ACOT1: variants seen among roughly 807,000 people sequenced by gnomAD.
ACOT1 encodes the protein acyl-CoA thioesterase 1.
Under a neutral mutation model 15.7 loss-of-function variants are expected in ACOT1, and 8 were observed. The observed-to-expected ratio is 0.51, with a 90% CI of 0.30 to 0.92. The LOEUF is 0.92. ACOT1 is among the 40% of genes least tolerant of loss of function. ACOT1 has a pLI of 0.06. For synonymous variants in ACOT1, 67 were observed against 241.2 expected (o/e 0.28, Z 6.69); for missense variants, 151 against 539.4 (o/e 0.28, Z 7.13).
chr14:73,491,683 A>C, the ACOT1 span: 1 of 1,549,802 alleles, frequency 6.5e-7, no homozygotes, highest in Non-Finnish European at 8.7e-7. Flanking sequence ...ACCGGCGCCT[A>C]TGGGAGCGCG....
chr14:73,510,209 T>TA, the ACOT1 span, among the ~76,000 whole-genome samples: 3,033 of 152,054 alleles, frequency 0.02, 114 homozygotes, highest in African/African-American at 0.069. Flanking sequence ...TGCTTTATAA[T>TA]ATAGTGTTTT....
rs1296946736 is a variant in ACOT1, at chr14:73,539,764, A to G, written c.458-1729A>G. ...GCACGCGGTCCCTGTCCATCAGCAC[A>G]CGCGTGGGCTGTGCTCATCGCTGCC... On this transcript the variant is annotated intron_variant, in intron 1 of 2. Transcript: ENST00000311148. 2 of 117,504 alleles carry G rather than the reference A, an allele frequency of 1.7e-5. 1 individual carries two copies. The highest frequency in any genetic ancestry group is 5.6e-5 in the African/African-American group (2 of 36,018). 7.3% of individuals were successfully genotyped at this position (117,504 alleles called of 1,614,324 possible). A position where few individuals can be genotyped will look rare whatever the true frequency, so the allele number is the denominator to read the frequency against.
the ACOT1 span, chr14:73,522,750 C>A: frequency 6.2e-7 from 1 of 1,614,198 alleles, no homozygotes; most frequent in Non-Finnish European, 8.5e-7. Context: ...GTCTTCACAG[C>A]CAGGGAGGTG....
At chr14:73,520,780 G>T in the ACOT1 span, 1 of 1,400,580 alleles carries the variant, frequency 7.1e-7, no homozygotes, top group Non-Finnish European at 9.9e-7. Flanking sequence ...ACTGTTTCCA[G>T]CCCCCAGCAA....
chr14:73,535,469 C>CTTTT (rs869167008), upstream of ACOT1, among the ~76,000 whole-genome samples: 39 of 16,524 alleles, frequency 2.4e-3, 2 homozygotes, highest in Non-Finnish European at 8.3e-3. Flanking sequence ...TTTCTTCTTT[C>CTTTT]TTTTTTTTTT....
At chr14:73,525,813 C>CTTG in the ACOT1 span, among the ~76,000 whole-genome samples, 1 of 151,912 alleles carries the variant, frequency 6.6e-6, no homozygotes, top group South Asian at 2.1e-4. Flanking sequence ...ATTAGCTGGG[C>CTTG]GTGGTGGTGG....
At chr14:73,528,750 G>A in the ACOT1 span, among the ~76,000 whole-genome samples, 3 of 152,184 alleles carry the variant, frequency 2.0e-5, no homozygotes, top group African/African-American at 7.2e-5. Context: ...TAAAATATAT[G>A]TGTGAGGAAT....
the ACOT1 span, chr14:73,492,771 T>C: frequency 1.2e-6 from 2 of 1,613,984 alleles, no homozygotes; most frequent in East Asian, 4.5e-5. This position sits in a 1 kb window ranked among gnomAD's most constrained non-coding sequence, Gnocchi z 4.9. Flanking sequence ...CCCAAGTGCT[T>C]GGAAATATAC....
chr14:73,510,456 A>G, the ACOT1 span, among the ~76,000 whole-genome samples: 10 of 149,658 alleles, frequency 6.7e-5, no homozygotes, highest in African/African-American at 2.0e-4. Flanking sequence ...TTTTTTTGAG[A>G]TAGAGTTTTT....
At position 73,538,685 on chromosome 14, in the gene ACOT1, CA is replaced by C. The variant is rs1330063881; in HGVS notation, c.457+815del. Among the ~76,000 whole-genome samples the C allele has an allele frequency of 2.0e-5, 2 of 98,136 alleles. 1 individual carries two copies. Among genetic ancestry groups the C allele is most frequent in the Admixed American group, 2.3e-4 (2 of 8,778 alleles). 64.4% of individuals were successfully genotyped at this position (98,136 alleles called of 152,430 possible). The stretch of plus-strand genomic sequence containing the variant: ...AATATTAAAAACAAACAAAACAAAA[CA>C]AAAAAAACAGGCCGGACGCGGTGGC... On this transcript the variant is annotated intron_variant, in intron 1 of 2. Transcript: ENST00000311148.
At chr14:73,502,482 T>C in the ACOT1 span, among the ~76,000 whole-genome samples, 1 of 152,106 alleles carries the variant, frequency 6.6e-6, no homozygotes, top group African/African-American at 2.4e-5. Flanking sequence ...TTTTTTACAG[T>C]GGGACCTGGT....
chr14:73,520,432 G>A, the ACOT1 span: 1 of 158,272 alleles, frequency 6.3e-6, no homozygotes, highest in South Asian at 2.0e-4. Flanking sequence ...AAAATACTGA[G>A]CCAGGATTTA....
At position 73,538,342 on chromosome 14, in the gene ACOT1, G is replaced by A. The variant is rs1179853301; in HGVS notation, c.457+464G>A. Among the ~76,000 whole-genome samples the A allele has an allele frequency of 1.8e-5, 2 of 114,274 alleles. 1 individual carries two copies. Among genetic ancestry groups the A allele is most frequent in the Non-Finnish European group, 3.8e-5 (2 of 52,568 alleles). The allele number at this position is 114,274 out of a possible 152,430, so 75.0% of individuals were successfully genotyped here. On this transcript the variant is annotated intron_variant, in intron 1 of 2. Coordinates refer to ENST00000311148, the MANE Select transcript of ACOT1 (RefSeq NM_001037161.2). The stretch of plus-strand genomic sequence containing the variant: ...AAAAGACATTGTAAGGGCTGGGCGC[G>A]CTGGCTCACGCCTGTAATCCCAGCA...
chr14:73,491,838 C>A, the ACOT1 span: 1 of 1,609,140 alleles, frequency 6.2e-7, no homozygotes, highest in East Asian at 2.2e-5. Context: ...CGACGCGAGA[C>A]CCTGAACCCA....
chr14:73,498,011 A>G, the ACOT1 span: 2 of 682,102 alleles, frequency 2.9e-6, no homozygotes, highest in Non-Finnish European at 4.9e-6. Flanking sequence ...TCAGTTACCT[A>G]CTTGGGTGAG....
the ACOT1 span, chr14:73,499,083 A>C: frequency 6.2e-7 from 1 of 1,614,122 alleles, no homozygotes; most frequent in Non-Finnish European, 8.5e-7. Flanking sequence ...CGAATGGCAA[A>C]GGCCTTGATT....
chr14:73,514,039 C>T, the ACOT1 span: 1 of 1,614,182 alleles, frequency 6.2e-7, no homozygotes. Flanking sequence ...ACTCAGAGCC[C>T]AGGCAGTCTT....
At chr14:73,541,430 A>G in intron 1 of ACOT1, 63 bp from the exon 2 acceptor site, 1 of 1,196,570 alleles carries the variant, frequency 8.4e-7, no homozygotes, top group Middle Eastern at 2.3e-4. Context: ...TTAACTTGGT[A>G]AGAAACCATC....
chr14:73,539,220 G>C (rs1450072411), intron 1 of ACOT1: 1 of 114,610 alleles, frequency 8.7e-6, no homozygotes, highest in African/African-American at 2.8e-5. Flanking sequence ...GGGCCTGTTC[G>C]TTCCTGCTGC....
Sources: allele counts gnomAD v4.1 joint callset (sites outside exome capture counted in the v4.1 genomes callset), GRCh38; gene constraint gnomAD v4.1.1; non-coding constraint Gnocchi (gnomAD v3.1); transcripts MANE v1.5; gene names NCBI Gene and HGNC (gene_info 2026-07-23, HGNC 2026-07-21).